TENM1: variants seen among roughly 807,000 people sequenced by gnomAD.
TENM1 encodes teneurin-1.
TENM1 carries 35 observed loss-of-function variants against 174.8 expected under a neutral mutation model. The ratio of observed to expected loss-of-function variants is 0.20; its 90% confidence interval spans 0.15 to 0.27. The LOEUF (loss-of-function observed/expected upper bound fraction) is 0.27, where lower values mean the gene tolerates loss of function less well. Among genes scored for constraint, TENM1 ranks in the 10% least tolerant of loss-of-function variants. TENM1 has a pLI of 1.00. For synonymous variants in TENM1, 781 were observed against 798.7 expected (o/e 0.98, Z 0.37); for missense variants, 1,633 against 2,130.1 (o/e 0.77, Z 4.59).
chrX:124,619,293 G>C (rs535921284), intron 11 of TENM1, among the ~76,000 whole-genome samples: 2 of 111,430 alleles, frequency 1.8e-5, no homozygotes, highest in East Asian at 2.8e-4. Context: ...ATTAATAAAT[G>C]CATGTAGATA....
At chrX:124,994,005 T>G in the TENM1 span, among the ~76,000 whole-genome samples, 1 of 109,985 alleles carries the variant, frequency 9.1e-6, no homozygotes, top group Non-Finnish European at 1.9e-5. Flanking sequence ...ATAGCCCTAT[T>G]TTCATGATGA....
the TENM1 span, among the ~76,000 whole-genome samples, chrX:125,083,299 T>C: frequency 9.9e-5 from 11 of 111,621 alleles, no homozygotes; most frequent in African/African-American, 3.2e-4. Flanking sequence ...TTACATAGTA[T>C]AAATAATTAT....
intron 12 of TENM1, among the ~76,000 whole-genome samples, chrX:124,564,740 G>T (rs774467802): frequency 1.8e-5 from 2 of 111,795 alleles, no homozygotes; most frequent in African/African-American, 6.5e-5. Flanking sequence ...AAGATCACAT[G>T]ATAAATTAAT....
the TENM1 span, among the ~76,000 whole-genome samples, chrX:125,173,283 A>G: frequency 9.0e-5 from 10 of 111,447 alleles, no homozygotes; most frequent in Non-Finnish European, 1.7e-4. Context: ...AGATTCAATT[A>G]TTGCCTTAAA....
At chrX:124,746,888 G>A (rs748254046) in intron 3 of TENM1, among the ~76,000 whole-genome samples, 7 of 111,172 alleles carry the variant, frequency 6.3e-5, no homozygotes, top group Non-Finnish European at 1.3e-4. Flanking sequence ...AGCACTTTAA[G>A]AGGCTGAGGC....
chrX:124,577,191 A>G (rs2049187308), intron 11 of TENM1, among the ~76,000 whole-genome samples: 1 of 111,578 alleles, frequency 9.0e-6, no homozygotes, highest in Non-Finnish European at 1.9e-5. Flanking sequence ...AGCAATCATC[A>G]GGCAACCTTT....
At chrX:125,012,703 C>T in the TENM1 span, among the ~76,000 whole-genome samples, 1 of 111,512 alleles carries the variant, frequency 9.0e-6, no homozygotes, top group African/African-American at 3.3e-5. Flanking sequence ...ATCAAATGCG[C>T]ACTACATTTA....
At chrX:125,003,393 C>T in the TENM1 span, among the ~76,000 whole-genome samples, 1 of 111,524 alleles carries the variant, frequency 9.0e-6, no homozygotes, top group African/African-American at 3.3e-5. Flanking sequence ...AGAAAGGTCC[C>T]CATATTTCCA....
the TENM1 span, among the ~76,000 whole-genome samples, chrX:125,161,776 AGTTTT>A: frequency 5.3e-5 from 6 of 112,364 alleles, no homozygotes; most frequent in Non-Finnish European, 1.1e-4. Flanking sequence ...TAAATGGGTG[AGTTTT>A]ATTTTATGTG....
chrX:125,114,241 C>G, the TENM1 span, among the ~76,000 whole-genome samples: 1 of 111,680 alleles, frequency 9.0e-6, no homozygotes, highest in Non-Finnish European at 1.9e-5. Flanking sequence ...GTACCAGAAT[C>G]TCTGGGACAC....
intron 14 of TENM1, among the ~76,000 whole-genome samples, chrX:124,556,207 G>T (rs1011096166): frequency 3.6e-5 from 4 of 109,982 alleles, no homozygotes; most frequent in African/African-American, 1.3e-4. Flanking sequence ...ACTTTGGGAG[G>T]CTGAGGCAGG....
rs1239113266 is a variant in TENM1 at position 124,584,004 on chromosome X, G to A, written c.2078-18444C>T. ...TAGAGAAAAAAGAATAAAAAGAAAC[G>A]AACAAAGCCTCCAAGAAATATGGGA... On this transcript the variant is annotated intron_variant, in intron 11 of 31. Coordinates refer to ENST00000422452, the Ensembl canonical transcript of TENM1. Among the ~76,000 whole-genome samples, 414 of 107,735 alleles carry A rather than the reference G, an allele frequency of 3.8e-3. 1 individual carries two copies. Among genetic ancestry groups the A allele is most frequent in the African/African-American group, 0.013 (396 of 29,821 alleles). 93.6% of individuals were successfully genotyped at this position (107,735 alleles called of 115,157 possible). A position where few individuals can be genotyped will look rare whatever the true frequency, so the allele number is the denominator to read the frequency against.
intron 3 of TENM1, among the ~76,000 whole-genome samples, chrX:124,745,873 T>C (rs1432653131): frequency 9.0e-6 from 1 of 111,273 alleles, no homozygotes; most frequent in Non-Finnish European, 1.9e-5. Flanking sequence ...AGAATTATGA[T>C]CTTAATGATT....
chrX:124,979,051 T>C, the TENM1 span, among the ~76,000 whole-genome samples: 2 of 112,468 alleles, frequency 1.8e-5, no homozygotes, highest in African/African-American at 3.2e-5. Flanking sequence ...CATTCACCTC[T>C]TCACAAGTGA....
the TENM1 span, among the ~76,000 whole-genome samples, chrX:124,993,758 A>C: frequency 1.8e-5 from 2 of 111,293 alleles, no homozygotes; most frequent in East Asian, 5.6e-4. Context: ...AAGTGAAAAA[A>C]GTAGATTATA....
chrX:125,181,031 T>C, the TENM1 span, among the ~76,000 whole-genome samples: 1 of 111,843 alleles, frequency 8.9e-6, no homozygotes, highest in South Asian at 3.8e-4. Flanking sequence ...CCAGATGAAA[T>C]TGTTTGCCCA....
At chrX:125,016,559 A>T in the TENM1 span, among the ~76,000 whole-genome samples, 1 of 111,531 alleles carries the variant, frequency 9.0e-6, no homozygotes, top group Non-Finnish European at 1.9e-5. Context: ...CAAGGAAATA[A>T]GATAGGACAC....
At chrX:124,789,444 G>A (rs1431884619) in intron 3 of TENM1, among the ~76,000 whole-genome samples, 1 of 111,343 alleles carries the variant, frequency 9.0e-6, no homozygotes, top group Non-Finnish European at 1.9e-5. Flanking sequence ...CTTTTCTATT[G>A]CATTGTCAGG....
chrX:124,705,042 G>A, exon 5 of TENM1: 1 of 1,210,572 alleles, frequency 8.3e-7, no homozygotes, highest in East Asian at 3.0e-5. Flanking sequence ...CAAGGCCAAA[G>A]TCACTGTGAT....
Sources: gnomAD v4.1 joint callset for allele counts (sites outside exome capture counted in the v4.1 genomes callset) on GRCh38, gnomAD v4.1.1 for gene constraint, MANE v1.5 for transcripts, NCBI Gene and HGNC (gene_info 2026-07-23, HGNC 2026-07-21) for gene names.